The following CDH13 variants were observed in gnomAD, a reference collection of about 807,000 sequenced individuals.
CDH13 encodes cadherin-13.
In CDH13, 24 loss-of-function variants were observed where a neutral mutation model predicts 63.8. The ratio of observed to expected loss-of-function variants is 0.38; its 90% CI spans 0.27 to 0.53. The LOEUF (loss-of-function observed/expected upper bound fraction) is 0.53. Among genes scored for constraint, CDH13 ranks in the 20% least tolerant of loss-of-function variants. CDH13 has a pLI of 0.85. For missense variants in CDH13, 1,049 were observed against 903.1 expected (o/e 1.16, Z -2.07); for synonymous variants, 503 against 355.3 (o/e 1.42, Z -4.67).
intron 1 of CDH13, among the ~76,000 whole-genome samples, chr16:82,707,162 T>G (rs966013533): frequency 6.6e-6 from 1 of 152,218 alleles, no homozygotes; most frequent in Non-Finnish European, 1.5e-5. Flanking sequence ...AGTAGTTGAT[T>G]TAGTTGTATC....
intron 2 of CDH13, among the ~76,000 whole-genome samples, chr16:82,988,525 G>A (rs987100974): frequency 6.6e-6 from 1 of 152,222 alleles, no homozygotes; most frequent in Non-Finnish European, 1.5e-5. Flanking sequence ...AGTTTGGGAG[G>A]CTGAGGCGGG....
rs117940728 is a variant in CDH13, at chr16:83,439,721, A to T, written c.782-46756A>T. Among the ~76,000 whole-genome samples, 214 of 152,338 alleles carry T rather than the reference A, an allele frequency of 1.4e-3. 6 individuals are homozygous for T. In the East Asian group the frequency reaches 0.035, roughly 25 times the overall value. ...TTGACTGTGGTCATAGAGTGGCCTT[A>T]TCTGATGTTGGTATTCTCTGAAATC... On this transcript the variant is annotated intron_variant, in intron 6 of 13. Transcript: ENST00000567109.
chr16:83,722,799 TA>T (rs111369801), intron 10 of CDH13, among the ~76,000 whole-genome samples: 1 of 152,198 alleles, frequency 6.6e-6, no homozygotes, highest in Non-Finnish European at 1.5e-5. Context: ...GTCATCTTAC[TA>T]AAAAAGTTCA....
intron 2 of CDH13, among the ~76,000 whole-genome samples, chr16:82,968,414 A>AT (rs1908182044): frequency 6.6e-6 from 1 of 152,168 alleles, no homozygotes; most frequent in Non-Finnish European, 1.5e-5. Context: ...TGAAATAAGA[A>AT]TTTTTTTAAA....
At chr16:83,577,813 C>T (rs193103179) in intron 7 of CDH13, among the ~76,000 whole-genome samples, 6 of 152,252 alleles carry the variant, frequency 3.9e-5, no homozygotes, top group Admixed American at 2.0e-4. Context: ...CTAAATAATA[C>T]GTGTTTACTG....
intron 2 of CDH13, among the ~76,000 whole-genome samples, chr16:82,879,156 C>A (rs2040606759): frequency 6.6e-6 from 1 of 152,100 alleles, no homozygotes; most frequent in African/African-American, 2.4e-5. Context: ...CTCTGGTCCT[C>A]ATAGTATTGG....
At chr16:83,107,683 C>G (rs1405001389) in intron 3 of CDH13, among the ~76,000 whole-genome samples, 1 of 150,720 alleles carries the variant, frequency 6.6e-6, no homozygotes, top group Non-Finnish European at 1.5e-5. Flanking sequence ...TTCTCTTTCT[C>G]TCTGTGTATT....
chr16:82,955,326 C>G (rs1369660402), intron 2 of CDH13, among the ~76,000 whole-genome samples: 1 of 152,184 alleles, frequency 6.6e-6, no homozygotes, highest in African/African-American at 2.4e-5. Context: ...TTCCAGAATT[C>G]CTAAAACATT....
At chr16:83,520,083 G>A (rs992464233) in intron 7 of CDH13, among the ~76,000 whole-genome samples, 5 of 152,092 alleles carry the variant, frequency 3.3e-5, no homozygotes, top group Non-Finnish European at 5.9e-5. Flanking sequence ...ATCAAGTGCT[G>A]ACAAGTATGT....
intron 4 of CDH13, among the ~76,000 whole-genome samples, chr16:83,213,117 G>T (rs1156705016): frequency 6.6e-6 from 1 of 152,206 alleles, no homozygotes; most frequent in Non-Finnish European, 1.5e-5. Flanking sequence ...GACGTGTGCA[G>T]TGCTAAGCTG....
At chr16:83,540,301 A>T (rs115407773) in intron 7 of CDH13, among the ~76,000 whole-genome samples, 1,696 of 152,302 alleles carry the variant, frequency 0.011, 36 homozygotes, top group African/African-American at 0.039. Context: ...GAATGTTGGC[A>T]GACCGACAAA....
At chr16:82,907,212 A>C (rs1393319025) in intron 2 of CDH13, among the ~76,000 whole-genome samples, 1 of 152,162 alleles carries the variant, frequency 6.6e-6, no homozygotes, top group African/African-American at 2.4e-5. Flanking sequence ...AAATTTAGTC[A>C]CAGTAAAGGA....
chr16:82,705,323 T>C (rs949085164), intron 1 of CDH13: 3 of 358,496 alleles, frequency 8.4e-6, no homozygotes, highest in Non-Finnish European at 1.6e-5. Context: ...CTTCTCCTTC[T>C]CTCCAGCAAG....
chr16:82,804,313 G>GCA (rs2037037077), intron 1 of CDH13, among the ~76,000 whole-genome samples: 1 of 70,848 alleles, frequency 1.4e-5, no homozygotes, highest in African/African-American at 8.9e-5. Flanking sequence ...ACACACACAC[G>GCA]CACACACATA....
intron 3 of CDH13, among the ~76,000 whole-genome samples, chr16:83,086,489 C>T (rs377420263): frequency 1.3e-5 from 2 of 152,098 alleles, no homozygotes; most frequent in Admixed American, 6.5e-5. Context: ...TGTTTCTGTC[C>T]CAGATCCTTT....
chr16:82,636,401 G>A (rs368220909), intron 1 of CDH13, among the ~76,000 whole-genome samples: 5 of 152,172 alleles, frequency 3.3e-5, no homozygotes, highest in African/African-American at 1.2e-4. Context: ...GGGCACCGTG[G>A]GGGCCTGGAA....
chr16:83,447,657 G>C (rs1202273125), intron 6 of CDH13, among the ~76,000 whole-genome samples: 1 of 152,002 alleles, frequency 6.6e-6, no homozygotes, highest in African/African-American at 2.4e-5. Flanking sequence ...AATAAACCAA[G>C]TGTGAGAGTA....
rs185450479 is a variant in CDH13 at position 83,278,382 on chromosome 16, C to T, written c.636+60885C>T. ...TAAGCAAAAGGCACCTTCTAAGCTC[C>T]AAGACAACCCTCTGAAATGGGGAAA... On this transcript the variant is annotated intron_variant, in intron 5 of 13. Coordinates refer to ENST00000567109, the MANE Select transcript of CDH13 (RefSeq NM_001257.5). Among the ~76,000 whole-genome samples, 23 of 152,274 alleles carry T rather than the reference C, an allele frequency of 1.5e-4. 1 individual carries two copies. Among genetic ancestry groups the T allele is most frequent in the African/African-American group, 5.1e-4 (21 of 41,544 alleles).
At chr16:82,919,856 A>G (rs146419765) in intron 2 of CDH13, among the ~76,000 whole-genome samples, 151 of 152,356 alleles carry the variant, frequency 9.9e-4, no homozygotes, top group African/African-American at 3.4e-3. Flanking sequence ...ATTAGGAAAT[A>G]TGCTAGAAAA....
Sources: allele counts gnomAD v4.1 joint callset (sites outside exome capture counted in the v4.1 genomes callset), GRCh38; gene constraint gnomAD v4.1.1; transcripts MANE v1.5; gene names NCBI Gene and HGNC (gene_info 2026-07-23, HGNC 2026-07-21).